GRM3: variants seen among roughly 807,000 people sequenced by gnomAD.
GRM3 encodes glutamate metabotropic receptor 3, also known as metabotropic glutamate receptor 3.
A neutral mutation model predicts 70.5 loss-of-function variants in GRM3; 26 were observed. That is an observed-to-expected ratio of 0.37 (90% CI 0.27 to 0.51). The LOEUF (loss-of-function observed/expected upper bound fraction) is 0.51, where lower values mean the gene tolerates loss of function less well. GRM3 is among the 20% of genes least tolerant of loss of function. The probability of loss-of-function intolerance (pLI) is 0.93; values close to 1 mark genes in which losing one functional copy is unlikely to be tolerated. For synonymous variants in GRM3, 443 were observed against 434.9 expected (o/e 1.02, Z -0.23); for missense variants, 859 against 1,123.8 (o/e 0.76, Z 3.37).
intron 1 of GRM3, among the ~76,000 whole-genome samples, chr7:86,704,063 A>C (rs1178815912): frequency 6.6e-6 from 1 of 151,908 alleles, no homozygotes; most frequent in African/African-American, 2.4e-5. Flanking sequence ...TGATGATTGA[A>C]GTTTTTTATG....
chr7:86,851,719 T>C (rs1355735896), intron 5 of GRM3, among the ~76,000 whole-genome samples: 2 of 152,154 alleles, frequency 1.3e-5, no homozygotes, highest in Non-Finnish European at 2.9e-5. Context: ...TGTTCATGGA[T>C]AGGCTGCACA....
At chr7:86,723,234 A>T in intron 1 of GRM3, among the ~76,000 whole-genome samples, 1 of 152,070 alleles carries the variant, frequency 6.6e-6, no homozygotes, top group East Asian at 1.9e-4. Flanking sequence ...CCATAAAAAA[A>T]ATATAGAATA....
intron 5 of GRM3, among the ~76,000 whole-genome samples, chr7:86,855,468 A>G (rs1798829488): frequency 6.6e-6 from 1 of 152,158 alleles, no homozygotes; most frequent in African/African-American, 2.4e-5. Context: ...TGTCATTATC[A>G]TGAAGATCAG....
intron 2 of GRM3, chr7:86,784,268 T>A (rs1435390947): frequency 2.0e-5 from 3 of 151,970 alleles, no homozygotes; most frequent in Non-Finnish European, 4.4e-5. Flanking sequence ...GGAGAGGAAA[T>A]TTCAGCAGTT....
chr7:86,818,869 G>A (rs1280159871), intron 3 of GRM3, among the ~76,000 whole-genome samples: 1 of 152,076 alleles, frequency 6.6e-6, no homozygotes, highest in Non-Finnish European at 1.5e-5. Flanking sequence ...CACGATGTGG[G>A]CCAATTTCCT....
At chr7:86,763,124 A>G (rs1008539526) in intron 1 of GRM3, among the ~76,000 whole-genome samples, 1 of 152,092 alleles carries the variant, frequency 6.6e-6, no homozygotes, top group African/African-American at 2.4e-5. Flanking sequence ...AATTGCTAAC[A>G]TTTGCTAATT....
intron 1 of GRM3, among the ~76,000 whole-genome samples, chr7:86,690,582 T>C (rs1215711969): frequency 6.6e-6 from 1 of 152,046 alleles, no homozygotes; most frequent in Non-Finnish European, 1.5e-5. Flanking sequence ...CTTACTTATG[T>C]ATTGTGTATA....
intron 4 of GRM3, among the ~76,000 whole-genome samples, chr7:86,846,823 C>G (rs1307590772): frequency 6.6e-6 from 1 of 152,198 alleles, no homozygotes; most frequent in Non-Finnish European, 1.5e-5. Context: ...TATTTTCTTT[C>G]TGAAAAAGCC....
chr7:86,727,146 T>C (rs1795611173), intron 1 of GRM3, among the ~76,000 whole-genome samples: 1 of 152,084 alleles, frequency 6.6e-6, no homozygotes, highest in South Asian at 2.1e-4. Flanking sequence ...GAAGATGATA[T>C]AGTGCAAAAA....
intron 1 of GRM3, among the ~76,000 whole-genome samples, chr7:86,666,392 A>T (rs1225464522): frequency 6.6e-6 from 1 of 152,092 alleles, no homozygotes; most frequent in Admixed American, 6.6e-5. Flanking sequence ...CAGGATTAAC[A>T]TACTTAACCT....
intron 5 of GRM3, among the ~76,000 whole-genome samples, chr7:86,855,491 G>A (rs1490284839): frequency 5.9e-5 from 9 of 152,018 alleles, no homozygotes; most frequent in South Asian, 4.2e-4. Context: ...AAGAAACTTC[G>A]ACTACCCAAT....
intron 1 of GRM3, among the ~76,000 whole-genome samples, chr7:86,745,915 T>C (rs565391035): frequency 2.2e-4 from 34 of 152,168 alleles, no homozygotes; most frequent in African/African-American, 7.9e-4. Context: ...GTGTCTGGCA[T>C]GTAAGTGTAC....
intron 1 of GRM3, among the ~76,000 whole-genome samples, chr7:86,728,552 C>T (rs565056764): frequency 6.6e-6 from 1 of 152,314 alleles, no homozygotes; most frequent in South Asian, 2.1e-4. Flanking sequence ...TCAGGTATCA[C>T]ATTTGAAATC....
At chr7:86,671,893 C>A (rs1285846956) in intron 1 of GRM3, among the ~76,000 whole-genome samples, 1 of 152,182 alleles carries the variant, frequency 6.6e-6, no homozygotes, top group Non-Finnish European at 1.5e-5. Context: ...TTAAAAAGGT[C>A]CATTGGACAT....
At chr7:86,775,977 T>C (rs1471898630) in intron 2 of GRM3, 1 of 151,916 alleles carries the variant, frequency 6.6e-6, no homozygotes, top group Non-Finnish European at 1.5e-5. Flanking sequence ...TGTTTCTTTG[T>C]CTCCCATCAA....
chr7:86,860,494 C>T (rs1035460473), intron 5 of GRM3, among the ~76,000 whole-genome samples: 2 of 152,172 alleles, frequency 1.3e-5, no homozygotes, highest in Non-Finnish European at 2.9e-5. Context: ...AGTTAGAGTT[C>T]CCTTCGACAC....
intron 1 of GRM3, among the ~76,000 whole-genome samples, chr7:86,751,922 C>T (rs1465883811): frequency 6.6e-6 from 1 of 152,048 alleles, no homozygotes; most frequent in Non-Finnish European, 1.5e-5. Context: ...ACTCCTGTGA[C>T]CTATTTGTTA....
chr7:86,858,216 A>C (rs1798888528), intron 5 of GRM3, among the ~76,000 whole-genome samples: 1 of 152,070 alleles, frequency 6.6e-6, no homozygotes, highest in Non-Finnish European at 1.5e-5. Flanking sequence ...TCATCCTCCC[A>C]AAGTGCTGGG....
chr7:86,646,016 T>TGGGGGGG (rs1562811332), intron 1 of GRM3, among the ~76,000 whole-genome samples: 1 of 9,898 alleles, frequency 1.0e-4, no homozygotes, highest in African/African-American at 4.2e-4. Context: ...TGGGGGGGGG[T>TGGGGGGG]GGGAGGGAGT....
Sources: gnomAD v4.1 joint callset for allele counts (sites outside exome capture counted in the v4.1 genomes callset) on GRCh38, gnomAD v4.1.1 for gene constraint, MANE v1.5 for transcripts, NCBI Gene and HGNC (gene_info 2026-07-23, HGNC 2026-07-21) for gene names.